SLC26A7: variants seen among roughly 807,000 people sequenced by gnomAD.
The protein encoded by SLC26A7 is anion exchange transporter.
Under a neutral mutation model 82.5 loss-of-function variants are expected in SLC26A7, and 59 were observed. That is an observed-to-expected ratio of 0.72 (90% CI 0.58 to 0.89). SLC26A7 has a LOEUF of 0.89. SLC26A7 is among the 40% of genes least tolerant of loss of function. SLC26A7 has a pLI of 0.00. For missense variants in SLC26A7, 820 were observed against 793.0 expected, an observed-to-expected ratio of 1.03 and a Z score of -0.41; for synonymous variants, 271 against 274.3, an observed-to-expected ratio of 0.99 and a Z score of 0.12.
intron 2 of SLC26A7, among the ~76,000 whole-genome samples, chr8:91,286,702 T>G (rs745588314): frequency 2.2e-4 from 34 of 152,252 alleles, no homozygotes; most frequent in Non-Finnish European, 4.7e-4. Context: ...AAAGTAGAGA[T>G]AATTCTGCTA....
chr8:91,307,915 T>C (rs1252812130), intron 4 of SLC26A7, among the ~76,000 whole-genome samples: 15 of 152,188 alleles, frequency 9.9e-5, no homozygotes, highest in African/African-American at 3.6e-4. Flanking sequence ...CCTAGGCTGT[T>C]CTCAAACTTC....
chr8:91,340,603 C>T (rs1563688179), intron 8 of SLC26A7, 52 bp downstream of exon 8: 1 of 1,598,894 alleles, frequency 6.3e-7, no homozygotes, highest in Non-Finnish European at 8.6e-7. Context: ...TTGCACTGTG[C>T]ACTCCCAGAT....
At chr8:91,370,671 A>G (rs974480579) in intron 15 of SLC26A7, among the ~76,000 whole-genome samples, 1 of 152,032 alleles carries the variant, frequency 6.6e-6, no homozygotes, top group African/African-American at 2.4e-5. Flanking sequence ...TTGTCTCAGT[A>G]TAGAGAAAAT....
intron 2 of SLC26A7, among the ~76,000 whole-genome samples, chr8:91,273,322 G>T (rs1164630183): frequency 6.6e-6 from 1 of 152,060 alleles, no homozygotes; most frequent in African/African-American, 2.4e-5. Flanking sequence ...TATATATTGT[G>T]GTCATGGTAT....
In SLC26A7 at chr8:91,249,559, G is replaced by C; in HGVS notation, c.-93G>C. On this transcript the variant is annotated 5_prime_UTR_variant, in exon 2 of 19. Coordinates refer to ENST00000276609, the MANE Select transcript of SLC26A7 (RefSeq NM_052832.4). ...GGCAGCTTTGACATTGTAAACCACA[G>C]ACGAATTGGAGCTTGGCATTGAAAG... 1 of 1,030,678 alleles carries C rather than the reference G, an allele frequency of 9.7e-7. No individual in the cohort carries two copies. Among genetic ancestry groups the C allele is most frequent in the Non-Finnish European group, 1.3e-6 (1 of 753,606 alleles). The allele number at this position is 1,030,678 out of a possible 1,614,324, so 63.8% of individuals were successfully genotyped here.
chr8:91,229,449 A>T (rs936760053), intron 2 of SLC26A7, among the ~76,000 whole-genome samples: 7 of 152,334 alleles, frequency 4.6e-5, no homozygotes, highest in Admixed American at 2.0e-4. Flanking sequence ...CTTTGCAATG[A>T]ACACCCATAT....
intron 2 of SLC26A7, among the ~76,000 whole-genome samples, chr8:91,220,105 C>G (rs11991531): frequency 3.9e-5 from 6 of 151,948 alleles, no homozygotes; most frequent in Admixed American, 2.6e-4. Flanking sequence ...ATCAATGGAG[C>G]ACAGCAAAGA....
chr8:91,235,132 C>G (rs1810376618), intron 2 of SLC26A7, among the ~76,000 whole-genome samples: 1 of 151,996 alleles, frequency 6.6e-6, no homozygotes, highest in African/African-American at 2.4e-5. Context: ...ACATGTTGCC[C>G]AGGTTGGCCT....
At chr8:91,393,238 A>C (rs894344014) in intron 16 of SLC26A7, among the ~76,000 whole-genome samples, 1 of 152,056 alleles carries the variant, frequency 6.6e-6, no homozygotes, top group African/African-American at 2.4e-5. Flanking sequence ...GAGATTTTCT[A>C]GGACTTAAAA....
chr8:91,393,000 T>C (rs1275803006), intron 16 of SLC26A7, among the ~76,000 whole-genome samples: 2 of 152,210 alleles, frequency 1.3e-5, no homozygotes, highest in Non-Finnish European at 2.9e-5. Flanking sequence ...ACATAGAACT[T>C]CTTACTGCTG....
At chr8:91,247,515 GA>G (rs1016256782), upstream of SLC26A7, among the ~76,000 whole-genome samples, 2 of 149,648 alleles carry the variant, frequency 1.3e-5, no homozygotes, top group South Asian at 2.1e-4. Flanking sequence ...CATGGAAATT[GA>G]AAAAAAACAT....
intron 2 of SLC26A7, among the ~76,000 whole-genome samples, chr8:91,257,994 C>T (rs545626881): frequency 6.6e-6 from 1 of 152,138 alleles, no homozygotes; most frequent in Admixed American, 6.6e-5. Flanking sequence ...GGGGAAATGC[C>T]AGACACTTAT....
At chr8:91,364,546 TC>T (rs1814137666) in intron 13 of SLC26A7, among the ~76,000 whole-genome samples, 1 of 152,174 alleles carries the variant, frequency 6.6e-6, no homozygotes, top group Non-Finnish European at 1.5e-5. Flanking sequence ...CCTTATTTTT[TC>T]CATGGGAATT....
chr8:91,321,035 T>C (rs1214110136), intron 5 of SLC26A7, among the ~76,000 whole-genome samples: 1 of 152,188 alleles, frequency 6.6e-6, no homozygotes, highest in African/African-American at 2.4e-5. Flanking sequence ...AATTAATTAT[T>C]CTTAGGTTGA....
intron 2 of SLC26A7, 152 bp downstream of exon 2, chr8:91,249,996 G>A: frequency 1.8e-6 from 1 of 567,978 alleles, no homozygotes; most frequent in Non-Finnish European, 2.7e-6. Context: ...TTGGAGAAGA[G>A]TTTTCCTAAT....
In SLC26A7 at chr8:91,382,385, C is replaced by T. The variant is rs143751629; in HGVS notation, c.1676-6953C>T. 5.3e-3 allele frequency among the ~76,000 whole-genome samples: 812 copies of T among 152,314 alleles called. 7 individuals carry two copies. Among genetic ancestry groups the T allele is most frequent in the African/African-American group, 0.019 (788 of 41,574 alleles). On this transcript the variant is annotated intron_variant, in intron 15 of 18. Coordinates refer to ENST00000276609, the MANE Select transcript of SLC26A7 (RefSeq NM_052832.4). ...CAGACAAATCCATTTATGGCTCCAA[C>T]ATCTAACTTAATCATTTCTGGGTCT...
intron 5 of SLC26A7, among the ~76,000 whole-genome samples, chr8:91,326,107 C>G (rs1812924726): frequency 6.6e-6 from 1 of 152,110 alleles, no homozygotes; most frequent in Non-Finnish European, 1.5e-5. Context: ...GTACTGATCA[C>G]TTGGTAATTA....
At chr8:91,364,211 A>G (rs1210536130) in intron 13 of SLC26A7, among the ~76,000 whole-genome samples, 1 of 152,188 alleles carries the variant, frequency 6.6e-6, no homozygotes, top group Non-Finnish European at 1.5e-5. Flanking sequence ...TGCCAATTAA[A>G]GAAAATTGCC....
chr8:91,302,806 C>T (rs1432986973), intron 4 of SLC26A7, among the ~76,000 whole-genome samples: 5 of 135,974 alleles, frequency 3.7e-5, no homozygotes, highest in South Asian at 5.0e-4. Context: ...ATGTAATGTC[C>T]CTTCCCCTTC....
Sources: gnomAD v4.1 joint callset for allele counts (sites outside exome capture counted in the v4.1 genomes callset) on GRCh38, gnomAD v4.1.1 for gene constraint, MANE v1.5 for transcripts, NCBI Gene and HGNC (gene_info 2026-07-23, HGNC 2026-07-21) for gene names.